SDK2: variants seen among roughly 807,000 people sequenced by gnomAD.
SDK2 encodes the protein sidekick cell adhesion molecule 2, also known as protein sidekick-2.
In SDK2, 105 loss-of-function variants were observed where a neutral mutation model predicts 253.9. The ratio of observed to expected loss-of-function variants is 0.41; its 90% confidence interval spans 0.35 to 0.49. The LOEUF (loss-of-function observed/expected upper bound fraction) is 0.49, where lower values mean the gene tolerates loss of function less well. SDK2 is among the 20% of genes least tolerant of loss of function. The pLI is 0.06. For missense variants in SDK2, 2,608 were observed against 3,003.0 expected (o/e 0.87, Z 3.07); for synonymous variants, 1,249 against 1,234.9 (o/e 1.01, Z -0.24).
At chr17:73,445,381 C>T (rs1295035114) in intron 5 of SDK2, among the ~76,000 whole-genome samples, 1 of 152,160 alleles carries the variant, frequency 6.6e-6, no homozygotes, top group Admixed American at 6.5e-5. Context: ...TATTTCCTTT[C>T]GACAGTGTAG....
chr17:73,377,457 G>A (rs1174249342), intron 36 of SDK2, among the ~76,000 whole-genome samples: 1 of 151,740 alleles, frequency 6.6e-6, no homozygotes, highest in African/African-American at 2.4e-5. Context: ...GACCTCAGGT[G>A]ATCCATCTGC....
chr17:73,353,749 G>T (rs887142928), intron 40 of SDK2, among the ~76,000 whole-genome samples: 2 of 136,866 alleles, frequency 1.5e-5, no homozygotes, highest in African/African-American at 5.4e-5. Context: ...TGTCATCCAG[G>T]CTGGAGTGCA....
Position 73,401,135 on chromosome 17 carries a change from C to T in SDK2, c.2856G>A (p.Glu952=), listed in dbSNP as rs1293997313. ...VTHYLPNVTL[E]YRVTGLTALT... The stretch of plus-strand genomic sequence containing the variant: ...GCGCGGTGAGGCCCGTGACACGGTA[C>T]TCCAGGGTCACGTTGGGCAGGTAGT... The change falls in exon 21 of 45, where the codon GAG becomes GAA. Residue 952 remains glutamate (E), a synonymous_variant. Transcript: ENST00000392650. The T allele has an allele frequency of 1.3e-6, 2 of 1,561,734 alleles. No individual in the cohort carries two copies.
At chr17:73,349,115 G>A (rs780135423) in intron 43 of SDK2, among the ~76,000 whole-genome samples, 1 of 152,194 alleles carries the variant, frequency 6.6e-6, no homozygotes, top group Non-Finnish European at 1.5e-5. Flanking sequence ...GAAGGGCAGG[G>A]GAAGGTGAGG....
At chr17:73,425,019 A>G (rs1033537589) in intron 12 of SDK2, among the ~76,000 whole-genome samples, 1 of 152,224 alleles carries the variant, frequency 6.6e-6, no homozygotes, top group Non-Finnish European at 1.5e-5. Flanking sequence ...CAGGAGTTTG[A>G]GACCAGTCTG....
chr17:73,629,007 C>G lies in SDK2; in HGVS notation c.64+15018G>C, dbSNP rs947607295. Among the ~76,000 whole-genome samples the G allele has an allele frequency of 3.3e-5, 5 of 152,122 alleles. No individual in the cohort carries two copies. Among genetic ancestry groups the G allele is most frequent in the Non-Finnish European group, 5.9e-5 (4 of 68,036 alleles). ...CACCTCCCAATTCTGCTGATTCCTA[C>G]GTGGGGGATGGTGCCAAGGAGGGTC... is the stretch of plus-strand genomic sequence containing the variant. On this transcript the variant is annotated intron_variant, in intron 1 of 44. Transcript: ENST00000392650. This position sits in a 1 kb window ranked among gnomAD's most constrained non-coding sequence, Gnocchi z 5.0.
At chr17:73,436,936 C>G (rs554421185) in intron 8 of SDK2, among the ~76,000 whole-genome samples, 1 of 152,110 alleles carries the variant, frequency 6.6e-6, no homozygotes, top group Non-Finnish European at 1.5e-5. Flanking sequence ...ATCTCCCTCC[C>G]GAGAATGTTA....
intron 1 of SDK2, among the ~76,000 whole-genome samples, chr17:73,559,608 C>CT (rs1555603366): frequency 6.8e-6 from 1 of 147,542 alleles, no homozygotes; most frequent in African/African-American, 2.6e-5. Flanking sequence ...GCCCCCCGCC[C>CT]CCGCCACCAT....
chr17:73,395,134 C>A lies in SDK2; in HGVS notation c.3592+21G>T. 1 of 1,554,822 alleles carries A rather than the reference C, an allele frequency of 6.4e-7. No homozygotes were observed. Among genetic ancestry groups the A allele is most frequent in the Non-Finnish European group, 8.7e-7 (1 of 1,149,114 alleles). ...AAGGAGGGGACAGGCAGCAGGGTGG[C>A]TGGGTGTGAGGGGTTGGTACCTGAC... On this transcript the variant is annotated intron_variant, in intron 25 of 44. Transcript: ENST00000392650. This position sits in a 1 kb window ranked among gnomAD's most constrained non-coding sequence, Gnocchi z 4.3.
At position 73,383,865 on chromosome 17, in the gene SDK2, G is replaced by A. The variant is rs773662493; in HGVS notation, c.4705+11C>T. 1 of 1,613,886 alleles carries A rather than the reference G, an allele frequency of 6.2e-7. No homozygotes were observed. Among genetic ancestry groups the A allele is most frequent in the Admixed American group, 1.7e-5 (1 of 60,024 alleles). On this transcript the variant is annotated intron_variant, in intron 33 of 44. Transcript: ENST00000392650. The surrounding 1 kb of genome is among the most constrained non-coding windows in gnomAD (Gnocchi z 4.3). ...TCCCACCCATTCCTCTGGCTCCCAA[G>A]TGTCACTCACAGGTAAGCTCAGCCC...
intron 3 of SDK2, among the ~76,000 whole-genome samples, chr17:73,466,157 C>T (rs1300361733): frequency 6.6e-6 from 1 of 152,190 alleles, no homozygotes; most frequent in Non-Finnish European, 1.5e-5. Context: ...TGGTTTGCCT[C>T]AGCCTAGTCC....
chr17:73,610,835 G>A lies in SDK2; in HGVS notation c.64+33190C>T, dbSNP rs371214967. Among the ~76,000 whole-genome samples, 454 of 152,112 alleles carry A rather than the reference G, an allele frequency of 3.0e-3. 4 individuals carry two copies. Among genetic ancestry groups the A allele is most frequent in the African/African-American group, 0.01 (432 of 41,444 alleles). ...GTGGAGGAGTGTATGTGTGGTGTGC[G>A]TGTGCGTGTGTGTGTGTGTGTGTGT... On this transcript the variant is annotated intron_variant, in intron 1 of 44. Transcript: ENST00000392650.
chr17:73,364,120 G>A (rs2062664402), intron 38 of SDK2, among the ~76,000 whole-genome samples: 1 of 152,106 alleles, frequency 6.6e-6, no homozygotes, highest in Non-Finnish European at 1.5e-5. Flanking sequence ...CACCTGGCTG[G>A]GACTAGTCCC....
intron 1 of SDK2, among the ~76,000 whole-genome samples, chr17:73,542,098 A>G (rs1231168774): frequency 1.3e-5 from 2 of 152,242 alleles, no homozygotes; most frequent in African/African-American, 4.8e-5. Flanking sequence ...GTCTGCTTCC[A>G]GGGATGTCTA....
At chr17:73,562,924 G>T (rs557563584) in intron 1 of SDK2, among the ~76,000 whole-genome samples, 19 of 152,338 alleles carry the variant, frequency 1.2e-4, no homozygotes, top group Admixed American at 4.6e-4. Context: ...AAGCACCAAG[G>T]CTGTAGGGCT....
At chr17:73,600,011 T>C (rs1194880884) in intron 1 of SDK2, among the ~76,000 whole-genome samples, 1 of 152,230 alleles carries the variant, frequency 6.6e-6, no homozygotes, top group African/African-American at 2.4e-5. Context: ...ACTGAACCCG[T>C]AGCAGCCCCT....
At chr17:73,595,201 T>TGAGGAG (rs72207708) in intron 1 of SDK2, among the ~76,000 whole-genome samples, 2 of 149,854 alleles carry the variant, frequency 1.3e-5, no homozygotes, top group African/African-American at 4.9e-5. Context: ...TGGGTGAAGG[T>TGAGGAG]GAGGAGGAGG....
In SDK2 at chr17:73,385,936, AG is replaced by A; in HGVS notation, c.4499-20del. The A allele has an allele frequency of 6.3e-7, 1 of 1,583,782 alleles. No individual in the cohort carries two copies. Among genetic ancestry groups the A allele is most frequent in the South Asian group, 1.2e-5 (1 of 86,038 alleles). ...TCGGGGGCTGTGGAGAGAAGCAGAC[AG>A]GTGGGTTCTGGGGGCCGCAGCTTCA... On this transcript the variant is annotated intron_variant, in intron 31 of 44. Coordinates refer to ENST00000392650, the MANE Select transcript of SDK2 (RefSeq NM_001144952.2).
intron 44 of SDK2, among the ~76,000 whole-genome samples, chr17:73,340,737 T>TG (rs1568356875): frequency 1.3e-4 from 16 of 122,310 alleles, no homozygotes; most frequent in Non-Finnish European, 2.0e-4. Flanking sequence ...CCTTAAAGTT[T>TG]TTTTTTTTTT....
Sources: allele counts gnomAD v4.1 joint callset (sites outside exome capture counted in the v4.1 genomes callset), GRCh38; gene constraint gnomAD v4.1.1; non-coding constraint Gnocchi (gnomAD v3.1); transcripts MANE v1.5; gene names NCBI Gene and HGNC (gene_info 2026-07-23, HGNC 2026-07-21).